Variants in PALM2AKAP2 observed in about 807,000 individuals in gnomAD.
PALM2AKAP2 encodes PALM2 and AKAP2 fusion, also known as PALM2-AKAP2 fusion protein.
PALM2AKAP2 carries 37 observed loss-of-function variants against 71.5 expected under a neutral mutation model. That is an observed-to-expected ratio of 0.52 (90% CI 0.40 to 0.68). The LOEUF (loss-of-function observed/expected upper bound fraction) is 0.68. PALM2AKAP2 is among the 30% of genes least tolerant of loss of function. PALM2AKAP2 has a pLI of 0.00. For synonymous variants in PALM2AKAP2, 468 were observed against 478.8 expected (o/e 0.98, Z 0.29); for missense variants, 1,224 against 1,191.8 (o/e 1.03, Z -0.40).
chr9:110,076,389 C>A (rs62580259), intron 1 of PALM2AKAP2, among the ~76,000 whole-genome samples: 1 of 150,174 alleles, frequency 6.7e-6, no homozygotes, highest in Non-Finnish European at 1.5e-5. Context: ...ATAAACATCC[C>A]TGGTTATTTT....
rs1833469798 is a variant in PALM2AKAP2 at position 110,039,121 on chromosome 9, TGCCTATAG to T, written c.582+23083_582+23090del. Among the ~76,000 whole-genome samples, 10 of 151,888 alleles carry T rather than the reference TGCCTATAG, an allele frequency of 6.6e-5. No individual in the cohort carries two copies. The South Asian group carries it at 2.1e-3, about 32-fold the overall frequency. ...AAAATTAGCCAGGCATGCTGGCACA[TGCCTATAG>T]ACCCAGCTACGCAGGAGGCTGAGGT... On this transcript the variant is annotated intron_variant, in intron 7 of 9. Transcript: ENST00000302798.
chr9:110,064,751 G>C (rs1005392623), intron 1 of PALM2AKAP2, among the ~76,000 whole-genome samples: 3 of 152,116 alleles, frequency 2.0e-5, no homozygotes, highest in Non-Finnish European at 4.4e-5. Flanking sequence ...ATGTGGACTT[G>C]GCACATTTCC....
intron 3 of PALM2AKAP2, among the ~76,000 whole-genome samples, chr9:109,912,911 C>G (rs948553839): frequency 1.3e-5 from 2 of 152,206 alleles, no homozygotes; most frequent in African/African-American, 4.8e-5. Context: ...CTTTGAGTCA[C>G]TTCTCTCAAG....
intron 1 of PALM2AKAP2, among the ~76,000 whole-genome samples, chr9:109,840,563 C>T (rs1828629639): frequency 6.6e-6 from 1 of 152,162 alleles, no homozygotes; most frequent in African/African-American, 2.4e-5. Flanking sequence ...AAGAAACTAC[C>T]ATCAGAGTGA....
At chr9:109,860,198 C>G (rs529621791) in intron 1 of PALM2AKAP2, among the ~76,000 whole-genome samples, 2 of 152,274 alleles carry the variant, frequency 1.3e-5, no homozygotes, top group Non-Finnish European at 2.9e-5. Context: ...AGCACCTCTT[C>G]AATTTTTTTT....
At chr9:110,024,336 T>C (rs371782732) in intron 7 of PALM2AKAP2, among the ~76,000 whole-genome samples, 1 of 152,228 alleles carries the variant, frequency 6.6e-6, no homozygotes, top group Non-Finnish European at 1.5e-5. Flanking sequence ...AATTTGCCTG[T>C]TCTGGACATT....
At chr9:109,997,976 C>T (rs1588050689) in intron 6 of PALM2AKAP2, among the ~76,000 whole-genome samples, 1 of 152,218 alleles carries the variant, frequency 6.6e-6, no homozygotes, top group East Asian at 1.9e-4. Context: ...GCTGAGAAAT[C>T]CTCCAAGAAC....
intron 1 of PALM2AKAP2, among the ~76,000 whole-genome samples, chr9:109,820,143 T>C (rs1209382937): frequency 1.3e-5 from 2 of 152,240 alleles, no homozygotes; most frequent in African/African-American, 2.4e-5. Flanking sequence ...AATATCAAAA[T>C]TGGATTCATA....
intron 1 of PALM2AKAP2, among the ~76,000 whole-genome samples, chr9:109,746,474 C>T (rs190843851): frequency 6.6e-6 from 1 of 152,304 alleles, no homozygotes; most frequent in African/African-American, 2.4e-5. Flanking sequence ...GGTGTTTGAT[C>T]ATACACATTC....
chr9:109,865,675 CAATT>C (rs1042848838), intron 1 of PALM2AKAP2, among the ~76,000 whole-genome samples: 43 of 152,302 alleles, frequency 2.8e-4, no homozygotes, highest in African/African-American at 9.1e-4. Context: ...ACATGACACT[CAATT>C]AATATTTGTG....
chr9:109,875,925 T>C (rs1361714594), intron 2 of PALM2AKAP2, among the ~76,000 whole-genome samples: 1 of 152,206 alleles, frequency 6.6e-6, no homozygotes, highest in Non-Finnish European at 1.5e-5. Context: ...AGCTGCCAGC[T>C]CCCCACCTGC....
intron 7 of PALM2AKAP2, among the ~76,000 whole-genome samples, chr9:110,039,663 G>C (rs1338829661): frequency 6.6e-6 from 1 of 151,220 alleles, no homozygotes; most frequent in Non-Finnish European, 1.5e-5. Context: ...CCCATCCCAA[G>C]CATGTAAAGA....
intron 1 of PALM2AKAP2, among the ~76,000 whole-genome samples, chr9:110,116,390 G>A (rs902210441): frequency 2.0e-5 from 3 of 149,376 alleles, no homozygotes; most frequent in Non-Finnish European, 3.0e-5. Context: ...GTGTGTGTGC[G>A]CATGTGTGTG....
upstream of PALM2AKAP2, among the ~76,000 whole-genome samples, chr9:109,775,408 G>C (rs1024241914): frequency 2.0e-5 from 3 of 152,012 alleles, no homozygotes; most frequent in African/African-American, 7.3e-5. Flanking sequence ...TTGCTCCATG[G>C]GGACTCCCTA....
chr9:109,857,021 C>T (rs1314600980), intron 1 of PALM2AKAP2, among the ~76,000 whole-genome samples: 1 of 152,202 alleles, frequency 6.6e-6, no homozygotes, highest in Non-Finnish European at 1.5e-5. Context: ...CTGCGAGCAG[C>T]CAATGGGACT....
intron 6 of PALM2AKAP2, among the ~76,000 whole-genome samples, chr9:109,998,322 G>A (rs1251412358): frequency 6.6e-6 from 1 of 152,142 alleles, no homozygotes; most frequent in Non-Finnish European, 1.5e-5. Context: ...ATCTCTCCTT[G>A]AAACCCAAAA....
At chr9:110,053,948 T>A (rs573770828) in intron 1 of PALM2AKAP2, among the ~76,000 whole-genome samples, 1 of 152,330 alleles carries the variant, frequency 6.6e-6, no homozygotes, top group South Asian at 2.1e-4. Context: ...GATGCCTGAT[T>A]GGAGCAGATG....
intron 1 of PALM2AKAP2, among the ~76,000 whole-genome samples, chr9:109,821,237 C>T (rs974969884): frequency 3.3e-5 from 5 of 152,028 alleles, no homozygotes; most frequent in South Asian, 2.1e-4. Context: ...TTGTCTTTGA[C>T]GAGTTAATGG....
intron 1 of PALM2AKAP2, among the ~76,000 whole-genome samples, chr9:109,714,265 C>T (rs1828284463): frequency 6.6e-6 from 1 of 152,168 alleles, no homozygotes; most frequent in African/African-American, 2.4e-5. Context: ...AATTTACCAC[C>T]TTAGGTTCAT....
Sources: gnomAD v4.1 joint callset for allele counts (sites outside exome capture counted in the v4.1 genomes callset) on GRCh38, gnomAD v4.1.1 for gene constraint, MANE v1.5 for transcripts, NCBI Gene and HGNC (gene_info 2026-07-23, HGNC 2026-07-21) for gene names.